Variants in VWC2 observed in about 807,000 individuals in gnomAD.
The protein encoded by VWC2 is von Willebrand factor C domain containing 2.
A neutral mutation model predicts 29.8 loss-of-function variants in VWC2; 14 were observed. The observed-to-expected ratio is 0.47, with a 90% CI of 0.31 to 0.74. The LOEUF is 0.74. VWC2 is among the 30% of genes least tolerant of loss of function. The probability of loss-of-function intolerance (pLI) is 0.05; values close to 1 mark genes in which losing one functional copy is unlikely to be tolerated. For synonymous variants in VWC2, 213 were observed against 199.0 expected (o/e 1.07, Z -0.59); for missense variants, 457 against 459.8 (o/e 0.99, Z 0.05).
chr7:49,774,602 C>T (rs1286822901), intron 1 of VWC2, among the ~76,000 whole-genome samples: 2 of 152,330 alleles, frequency 1.3e-5, no homozygotes, highest in South Asian at 2.1e-4. Context: ...CAGGACACTA[C>T]AAGACTGAGC....
At chr7:49,840,694 A>G (rs1468824764) in intron 3 of VWC2, among the ~76,000 whole-genome samples, 3 of 152,146 alleles carry the variant, frequency 2.0e-5, no homozygotes, top group African/African-American at 7.2e-5. Flanking sequence ...GCAGCTTCAA[A>G]AGCTGTTTGC....
chr7:49,884,830 T>C (rs1008238030), intron 3 of VWC2, among the ~76,000 whole-genome samples: 1 of 152,068 alleles, frequency 6.6e-6, no homozygotes, highest in African/African-American at 2.4e-5. Flanking sequence ...AAAAATGATA[T>C]AGACGTCAAT....
intron 3 of VWC2, among the ~76,000 whole-genome samples, chr7:49,878,101 G>A (rs1049571201): frequency 2.4e-4 from 36 of 152,006 alleles, no homozygotes; most frequent in African/African-American, 8.7e-4. Context: ...CTGTCCCCTT[G>A]ACGTAAATGT....
At chr7:49,774,975 G>A (rs1788018275) in intron 1 of VWC2, among the ~76,000 whole-genome samples, 1 of 152,248 alleles carries the variant, frequency 6.6e-6, no homozygotes, top group East Asian at 1.9e-4. Flanking sequence ...AGGACCTAGG[G>A]AGGGACACCC....
chr7:49,840,826 A>G (rs756029554), intron 3 of VWC2, among the ~76,000 whole-genome samples: 9 of 152,098 alleles, frequency 5.9e-5, no homozygotes, highest in African/African-American at 1.2e-4. Flanking sequence ...CAAGCCACTC[A>G]TAGTTTGTCC....
At chr7:49,826,135 A>G (rs907156553) in intron 3 of VWC2, among the ~76,000 whole-genome samples, 2 of 152,200 alleles carry the variant, frequency 1.3e-5, no homozygotes, top group Non-Finnish European at 2.9e-5. Flanking sequence ...AAACTCTGCT[A>G]GGTTTTCTGC....
Position 49,914,316 on chromosome 7 carries a change from T to C in VWC2, c.*2131T>C, listed in dbSNP as rs1191068046. On this transcript the variant is annotated 3_prime_UTR_variant, in exon 4 of 4. Transcript: ENST00000340652. ...GAAATAATTGCAATGGTGTTTTCAA[T>C]GCTGTGAGAATTTCAGAAAACCTAG... The C allele has an allele frequency of 6.6e-6, 1 of 152,242 alleles. No homozygotes were observed. The allele number at this position is 152,242 out of a possible 1,614,324, so 9.4% of individuals were successfully genotyped here. A position where few individuals can be genotyped will look rare whatever the true frequency, so the allele number is the denominator to read the frequency against.
intron 2 of VWC2, among the ~76,000 whole-genome samples, chr7:49,784,070 T>C (rs763658334): frequency 1.3e-5 from 2 of 152,280 alleles, no homozygotes; most frequent in South Asian, 2.1e-4. Context: ...ACAAAATGCC[T>C]GAAATCCTGA....
intron 3 of VWC2, among the ~76,000 whole-genome samples, chr7:49,909,935 A>G (rs1224768916): frequency 6.6e-6 from 1 of 151,762 alleles, no homozygotes; most frequent in African/African-American, 2.4e-5. Flanking sequence ...AAGACCTCAT[A>G]TCTCCAAAGA....
intron 3 of VWC2, among the ~76,000 whole-genome samples, chr7:49,821,982 T>C (rs1789271759): frequency 6.6e-6 from 1 of 152,218 alleles, no homozygotes; most frequent in Admixed American, 6.5e-5. Context: ...AAACCCATCT[T>C]TTTATGAATA....
At chr7:49,911,123 G>T (rs917210483) in intron 3 of VWC2, among the ~76,000 whole-genome samples, 3 of 152,076 alleles carry the variant, frequency 2.0e-5, no homozygotes, top group Admixed American at 2.0e-4. Context: ...TTAATTAAAC[G>T]AAATGGCTGC....
chr7:49,820,313 A>G (rs1466528481), intron 3 of VWC2, among the ~76,000 whole-genome samples: 1 of 152,142 alleles, frequency 6.6e-6, no homozygotes, highest in Non-Finnish European at 1.5e-5. Flanking sequence ...GGCAGCCCGC[A>G]GTCATTATTG....
At position 49,859,195 on chromosome 7, in the gene VWC2, A is replaced by G. The variant is rs562240143; in HGVS notation, c.827-52839A>G. 3.9e-5 allele frequency among the ~76,000 whole-genome samples: 6 copies of G among 152,312 alleles called. No individual in the cohort carries two copies. The South Asian group carries it at 1.2e-3, about 32-fold the overall frequency. ...TTATAATACCTTTAGGAGTTTTTAA[A>G]GTCTTCTTTAAGGGTTTTATATATT... is the stretch of plus-strand genomic sequence containing the variant. On this transcript the variant is annotated intron_variant, in intron 3 of 3. Coordinates refer to ENST00000340652, the MANE Select transcript of VWC2 (RefSeq NM_198570.5).
chr7:49,892,091 C>A (rs943499775), intron 3 of VWC2, among the ~76,000 whole-genome samples: 9 of 109,068 alleles, frequency 8.3e-5, no homozygotes, highest in African/African-American at 2.8e-4. Flanking sequence ...GTGGCCCAGG[C>A]GGGAGTGCAG....
At chr7:49,783,705 G>A (rs1271329903) in intron 2 of VWC2, among the ~76,000 whole-genome samples, 1 of 152,174 alleles carries the variant, frequency 6.6e-6, no homozygotes, top group Non-Finnish European at 1.5e-5. Flanking sequence ...CGAGGGCCCT[G>A]TGAGTTCTCT....
intron 3 of VWC2, among the ~76,000 whole-genome samples, chr7:49,877,481 A>AAAATATACATATATATATAT: frequency 7.9e-5 from 1 of 12,730 alleles, no homozygotes; most frequent in African/African-American, 2.8e-4. Flanking sequence ...AAAAAAAAAA[A>AAAATATACATATATATATAT]ATATATATAT....
intron 2 of VWC2, among the ~76,000 whole-genome samples, chr7:49,779,006 C>T (rs1788112760): frequency 6.6e-6 from 1 of 151,676 alleles, no homozygotes; most frequent in Admixed American, 6.6e-5. Context: ...ATGCATAGAT[C>T]CTTTAACAGT....
intron 3 of VWC2, among the ~76,000 whole-genome samples, chr7:49,861,369 T>A (rs1583698795): frequency 6.6e-6 from 1 of 152,198 alleles, no homozygotes; most frequent in Non-Finnish European, 1.5e-5. Context: ...GGTTTAAGAC[T>A]TTTTTATATT....
intron 3 of VWC2, among the ~76,000 whole-genome samples, chr7:49,887,620 G>T (rs1791957329): frequency 6.6e-6 from 1 of 152,058 alleles, no homozygotes; most frequent in African/African-American, 2.4e-5. Context: ...GTTTCCATTT[G>T]TACAGGATTC....
Sources: gnomAD v4.1 joint callset for allele counts (sites outside exome capture counted in the v4.1 genomes callset) on GRCh38, gnomAD v4.1.1 for gene constraint, MANE v1.5 for transcripts, NCBI Gene and HGNC (gene_info 2026-07-23, HGNC 2026-07-21) for gene names.